The following ASPH variants were observed in gnomAD, a reference collection of about 807,000 sequenced individuals.
The protein encoded by ASPH is aspartate beta-hydroxylase.
Under a neutral mutation model 118.4 loss-of-function variants are expected in ASPH, and 100 were observed. That is an observed-to-expected ratio of 0.84 (90% CI 0.72 to 1.00). The LOEUF is 1.00. Among genes scored for constraint, ASPH ranks in the 50% least tolerant of loss-of-function variants. The pLI, the probability that ASPH is intolerant of heterozygous loss-of-function variation, is 0.00. For missense variants in ASPH, 920 were observed against 919.5 expected (o/e 1.00, Z -0.01); for synonymous variants, 315 against 325.6 (o/e 0.97, Z 0.35).
At chr8:61,506,054 A>G (rs1327684387) in intron 24 of ASPH, among the ~76,000 whole-genome samples, 2 of 152,252 alleles carry the variant, frequency 1.3e-5, no homozygotes, top group Non-Finnish European at 2.9e-5. Context: ...CACAACAGCT[A>G]GAAGGTGAGA....
At chr8:61,600,781 A>G (rs549511234) in intron 14 of ASPH, among the ~76,000 whole-genome samples, 50 of 151,632 alleles carry the variant, frequency 3.3e-4, no homozygotes, top group Middle Eastern at 6.8e-3. Flanking sequence ...AATACTCCCA[A>G]TTAAATGCCA....
intron 14 of ASPH, among the ~76,000 whole-genome samples, chr8:61,604,302 T>C (rs1844943799): frequency 6.6e-6 from 1 of 152,056 alleles, no homozygotes; most frequent in Non-Finnish European, 1.5e-5. Flanking sequence ...GCAATGGTAG[T>C]ACAGAAAGAG....
At position 61,708,804 on chromosome 8, in the gene ASPH, T is replaced by C. The variant is rs560544023; in HGVS notation, c.103+5465A>G. 9.2e-5 allele frequency among the ~76,000 whole-genome samples: 14 copies of C among 152,294 alleles called. No homozygotes were observed. In the East Asian group the frequency reaches 2.3e-3, roughly 25 times the overall value. ...ACATGTAGGAGAGAAGTGCTGGCAT[T>C]TCTCCAAGTACAGAGATAGTGGCTG... On this transcript the variant is annotated intron_variant, in intron 1 of 24. Transcript: ENST00000379454.
Position 61,714,330 on chromosome 8 carries a change from G to A in ASPH, c.42C>T (p.Ser14=). ...TGCTACCGCTGCCGGAGCCGCTGCTGCTGCTGTTGCCGCTGCTCTTGGCAT... is the reference window on the plus strand; with the variant it reads ...TGCTACCGCTGCCGGAGCCGCTGCTACTGCTGTTGCCGCTGCTCTTGGCAT... ...RKNAKSSGNS[S]SSGSGSGSTS... is the part of the protein sequence containing the mutation. Residue 14 remains serine (S), a synonymous_variant, in exon 1 of 25, where the codon AGC becomes AGT. Transcript: ENST00000379454. The A allele has an allele frequency of 6.6e-7, 1 of 1,518,244 alleles. No homozygotes were observed. The highest frequency in any genetic ancestry group is 8.8e-7 in the Non-Finnish European group (1 of 1,133,714). 94.0% of individuals were successfully genotyped at this position (1,518,244 alleles called of 1,614,324 possible). A position where few individuals can be genotyped will look rare whatever the true frequency, so the allele number is the denominator to read the frequency against.
intron 22 of ASPH, among the ~76,000 whole-genome samples, chr8:61,522,866 G>C (rs1050512851): frequency 6.6e-6 from 1 of 152,140 alleles, no homozygotes; most frequent in African/African-American, 2.4e-5. Flanking sequence ...TATTGGGTCA[G>C]GGCCTCATCC....
intron 24 of ASPH, among the ~76,000 whole-genome samples, chr8:61,514,506 G>A (rs1471056980): frequency 2.0e-5 from 3 of 151,994 alleles, no homozygotes; most frequent in Non-Finnish European, 2.9e-5. Context: ...TCAGGAGATC[G>A]AGACCATCCT....
intron 12 of ASPH, among the ~76,000 whole-genome samples, chr8:61,635,391 C>T (rs563540121): frequency 1.1e-4 from 17 of 152,170 alleles, no homozygotes; most frequent in East Asian, 5.8e-4. Context: ...ACCATCTCTA[C>T]GACAATGGCT....
At chr8:61,525,189 G>A (rs1188209419) in intron 22 of ASPH, among the ~76,000 whole-genome samples, 2 of 152,096 alleles carry the variant, frequency 1.3e-5, no homozygotes, top group Non-Finnish European at 2.9e-5. Context: ...GTTTTCTGTA[G>A]CTGAAGATAT....
rs113175857 is a variant in ASPH, at chr8:61,603,174, C to T, written c.976+15804G>A. On this transcript the variant is annotated intron_variant, in intron 14 of 24. Coordinates refer to ENST00000379454, the MANE Select transcript of ASPH (RefSeq NM_004318.4). ...CACCACTGCACTCCAGCCTGGGTGA[C>T]AGAGTGAGACTTGTCTCAAAAAAAA... Among the ~76,000 whole-genome samples, 769 of 104,462 alleles carry T rather than the reference C, an allele frequency of 7.4e-3. 9 individuals are homozygous for T. The highest frequency in any genetic ancestry group is 0.028 in the African/African-American group (721 of 26,106). 68.5% of individuals were successfully genotyped at this position (104,462 alleles called of 152,430 possible).
At chr8:61,683,985 A>G in intron 2 of ASPH, 54 bp downstream of exon 2, 5 of 1,582,722 alleles carry the variant, frequency 3.2e-6, no homozygotes, top group Non-Finnish European at 3.5e-6. Context: ...CAAGACTCCT[A>G]AGAGATGTCA....
At chr8:61,505,221 T>G (rs923555503) in intron 24 of ASPH, among the ~76,000 whole-genome samples, 1 of 152,168 alleles carries the variant, frequency 6.6e-6, no homozygotes, top group African/African-American at 2.4e-5. Context: ...TTCAGCTGGA[T>G]GCGGTGGCTC....
chr8:61,687,304 G>A (rs1164411230), intron 1 of ASPH: 2 of 152,124 alleles, frequency 1.3e-5, no homozygotes, highest in African/African-American at 4.8e-5. Context: ...TAAGGGAAAA[G>A]TAGACAAAAT....
intron 1 of ASPH, among the ~76,000 whole-genome samples, chr8:61,709,846 A>G (rs1384783113): frequency 6.6e-6 from 1 of 152,230 alleles, no homozygotes; most frequent in Admixed American, 6.5e-5. Context: ...CACCAACTTG[A>G]AAGTTGATGT....
At chr8:61,518,240 A>C in intron 22 of ASPH, 117 bp from the exon 23 acceptor site, 1 of 813,890 alleles carries the variant, frequency 1.2e-6, no homozygotes, top group Non-Finnish European at 1.9e-6. Flanking sequence ...GATTGAGTAA[A>C]CATGAGAAGA....
intron 1 of ASPH, among the ~76,000 whole-genome samples, chr8:61,693,450 AT>A (rs947397731): frequency 6.6e-5 from 10 of 152,326 alleles, no homozygotes; most frequent in Admixed American, 5.2e-4. Context: ...ACAAAAACAA[AT>A]TTTTTTTCAT....
intron 3 of ASPH, chr8:61,665,037 C>A: frequency 7.8e-7 from 1 of 1,288,120 alleles, no homozygotes; most frequent in Non-Finnish European, 9.8e-7. Context: ...GTTATTACAT[C>A]ATATTCTATG....
intron 5 of ASPH, among the ~76,000 whole-genome samples, chr8:61,649,687 C>A (rs1232626498): frequency 6.9e-6 from 1 of 144,944 alleles, no homozygotes; most frequent in South Asian, 2.4e-4. Flanking sequence ...AGGGTTCTTT[C>A]TATTTCTCTC....
At chr8:61,646,904 G>A in intron 5 of ASPH, 26 bp from the exon 6 acceptor site, 1 of 1,613,140 alleles carries the variant, frequency 6.2e-7, no homozygotes, top group South Asian at 1.1e-5. Context: ...AAGTGACACT[G>A]GCAACATACA....
chr8:61,526,132 T>C lies in ASPH; in HGVS notation c.1765-20A>G, dbSNP rs1214067621. The C allele has an allele frequency of 4.3e-5, 69 of 1,613,468 alleles. No homozygotes were observed. The highest frequency in any genetic ancestry group is 5.8e-5 in the Non-Finnish European group (69 of 1,179,780). On this transcript the variant is annotated intron_variant, in intron 21 of 24. Coordinates refer to ENST00000379454, the MANE Select transcript of ASPH (RefSeq NM_004318.4). ...TAAAGACTAGAGGGAAGATTCTGGC[T>C]TTACTGGACTGAAAAAGGGCCTGGT...
Sources: gnomAD v4.1 joint callset for allele counts (sites outside exome capture counted in the v4.1 genomes callset) on GRCh38, gnomAD v4.1.1 for gene constraint, MANE v1.5 for transcripts, NCBI Gene and HGNC (gene_info 2026-07-23, HGNC 2026-07-21) for gene names.